The following TNS3 variants were observed in gnomAD, a reference collection of about 807,000 sequenced individuals.
TNS3 encodes tensin-3.
TNS3 carries 45 observed loss-of-function variants against 140.9 expected under a neutral mutation model. That is an observed-to-expected ratio of 0.32 (90% CI 0.25 to 0.41). The LOEUF (loss-of-function observed/expected upper bound fraction) is 0.41. TNS3 is among the 10% of genes least tolerant of loss of function. The pLI is 1.00. For synonymous variants in TNS3, 815 were observed against 788.4 expected (o/e 1.03, Z -0.56); for missense variants, 1,716 against 1,906.7 (o/e 0.90, Z 1.86).
At chr7:47,540,502 C>T (rs1799753812) in intron 1 of TNS3, among the ~76,000 whole-genome samples, 1 of 152,216 alleles carries the variant, frequency 6.6e-6, no homozygotes, top group Admixed American at 6.5e-5. Context: ...CTGGAGGCTG[C>T]TCCTATGAGT....
intron 4 of TNS3, among the ~76,000 whole-genome samples, chr7:47,478,820 A>G (rs1584745225): frequency 6.6e-6 from 1 of 152,108 alleles, no homozygotes; most frequent in Non-Finnish European, 1.5e-5. Flanking sequence ...ACATGCATGT[A>G]TGTGTTCATG....
chr7:47,468,871 C>A (rs113623457), intron 4 of TNS3, among the ~76,000 whole-genome samples: 2 of 152,150 alleles, frequency 1.3e-5, no homozygotes, highest in Admixed American at 1.3e-4. Context: ...CAAAACAGTA[C>A]GGTACTGGCA....
At chr7:47,464,562 G>T (rs948239194) in intron 4 of TNS3, among the ~76,000 whole-genome samples, 1 of 152,120 alleles carries the variant, frequency 6.6e-6, no homozygotes, top group African/African-American at 2.4e-5. Context: ...AGAACCACCA[G>T]GAGGGCATAT....
chr7:47,421,970 A>G (rs2151463861), intron 10 of TNS3, among the ~76,000 whole-genome samples: 1 of 152,216 alleles, frequency 6.6e-6, no homozygotes, highest in African/African-American at 2.4e-5. Flanking sequence ...CCTGCAGCGC[A>G]CCCATCCCAC....
rs1449564835 is a variant in TNS3, at chr7:47,514,760, ACCCTGGATCCT to A, written c.-152-7827_-152-7817del. Among the ~76,000 whole-genome samples the A allele has an allele frequency of 5.3e-5, 8 of 152,116 alleles. No homozygotes were observed. The East Asian group carries it at 1.2e-3, about 22-fold the overall frequency. ...ATGGGGAGCATTTATGCGTGGTCTG[ACCCTGGATCCT>A]CCCTGGATCTACCTTCTTCCAGGGA... is the stretch of plus-strand genomic sequence containing the variant. On this transcript the variant is annotated intron_variant, in intron 2 of 30. Coordinates refer to ENST00000311160, the MANE Select transcript of TNS3 (RefSeq NM_022748.12).
chr7:47,362,472 T>C (rs1303986704), intron 17 of TNS3, among the ~76,000 whole-genome samples: 1 of 152,160 alleles, frequency 6.6e-6, no homozygotes, highest in Non-Finnish European at 1.5e-5. Context: ...CAGACCCCTG[T>C]ATTTGCAAAC....
chr7:47,479,758 A>C (rs1797345541), intron 4 of TNS3, among the ~76,000 whole-genome samples: 2 of 152,250 alleles, frequency 1.3e-5, no homozygotes, highest in Non-Finnish European at 2.9e-5. Flanking sequence ...AAAGGAGCAT[A>C]ATAAGGGCAC....
intron 10 of TNS3, among the ~76,000 whole-genome samples, chr7:47,421,939 T>C (rs1053543426): frequency 1.3e-5 from 2 of 152,152 alleles, no homozygotes; most frequent in African/African-American, 4.8e-5. Context: ...AAATGATTTC[T>C]TGAGCTCAGT....
intron 1 of TNS3, among the ~76,000 whole-genome samples, chr7:47,538,326 G>A (rs1337097626): frequency 6.6e-6 from 1 of 152,146 alleles, no homozygotes. Flanking sequence ...TGTGGTCTAC[G>A]GTGGGCAGCG....
chr7:47,417,879 A>G (rs988278183), intron 10 of TNS3, among the ~76,000 whole-genome samples: 4 of 152,254 alleles, frequency 2.6e-5, no homozygotes, highest in East Asian at 1.9e-4. Flanking sequence ...TATAAGCTGT[A>G]GTGAATGCTA....
At chr7:47,388,285 C>A (rs1792189633) in intron 16 of TNS3, among the ~76,000 whole-genome samples, 1 of 152,176 alleles carries the variant, frequency 6.6e-6, no homozygotes, top group Admixed American at 6.5e-5. Context: ...GTGTGAGAAG[C>A]TTCGTGGCTC....
chr7:47,302,181 C>T lies in TNS3; in HGVS notation c.3544+5G>A. 2 of 1,613,646 alleles carry T rather than the reference C, an allele frequency of 1.2e-6. No homozygotes were observed. Among genetic ancestry groups the T allele is most frequent in the East Asian group, 2.2e-5 (1 of 44,882 alleles). On this transcript the variant is annotated splice_donor_5th_base_variant and intron_variant, in intron 23 of 30. Coordinates refer to ENST00000311160, the MANE Select transcript of TNS3 (RefSeq NM_022748.12). ...CCCAAGGAGGCCCTCATCCTCCCCA[C>T]ATACCTTGTTCTCTTGAAATATCCG...
intron 3 of TNS3, among the ~76,000 whole-genome samples, chr7:47,502,538 T>A (rs1023070802): frequency 6.6e-6 from 1 of 152,152 alleles, no homozygotes; most frequent in Non-Finnish European, 1.5e-5. Flanking sequence ...GACATGGGGA[T>A]CCCTGATGGG....
At chr7:47,451,054 A>T (rs1795991358) in intron 4 of TNS3, among the ~76,000 whole-genome samples, 1 of 152,198 alleles carries the variant, frequency 6.6e-6, no homozygotes, top group Non-Finnish European at 1.5e-5. Flanking sequence ...GGATTGTTTG[A>T]ACCCAGGAGG....
At chr7:47,427,449 C>T (rs1794716587) in intron 9 of TNS3, among the ~76,000 whole-genome samples, 1 of 152,180 alleles carries the variant, frequency 6.6e-6, no homozygotes, top group Non-Finnish European at 1.5e-5. Context: ...TCTATTTCCT[C>T]AGAATGGAAA....
rs1318642740 is a variant in TNS3 at position 47,442,066 on chromosome 7, C to T, written c.-75-11G>A. ...GGAACTCCCTGGAGCCTGCAAATAA[C>T]AAAACAAGGGTCATTTTGAAGTTTC... On this transcript the variant is annotated splice_polypyrimidine_tract_variant and intron_variant, in intron 4 of 30. Transcript: ENST00000311160. The T allele has an allele frequency of 1.0e-5, 13 of 1,268,964 alleles. No individual in the cohort carries two copies. The highest frequency in any genetic ancestry group is 1.3e-5 in the Non-Finnish European group (13 of 981,700). The allele number at this position is 1,268,964 out of a possible 1,614,324, so 78.6% of individuals were successfully genotyped here.
chr7:47,389,080 A>AAGAGGAAGAG (rs1792309452), intron 16 of TNS3, among the ~76,000 whole-genome samples: 1 of 65,848 alleles, frequency 1.5e-5, no homozygotes. Context: ...AAGAAGAAGA[A>AAGAGGAAGAG]GAAGAGGAAG....
chr7:47,536,111 C>T (rs375528826), intron 1 of TNS3, among the ~76,000 whole-genome samples: 19 of 152,350 alleles, frequency 1.2e-4, no homozygotes, highest in Middle Eastern at 6.8e-3. Flanking sequence ...AAGAGGGACA[C>T]CCTCCACATC....
chr7:47,479,576 C>T (rs1797338047), intron 4 of TNS3, among the ~76,000 whole-genome samples: 1 of 151,958 alleles, frequency 6.6e-6, no homozygotes, highest in African/African-American at 2.4e-5. Flanking sequence ...GCAGGGACAG[C>T]CAGGCAGGCG....
Sources: allele counts gnomAD v4.1 joint callset (sites outside exome capture counted in the v4.1 genomes callset), GRCh38; gene constraint gnomAD v4.1.1; transcripts MANE v1.5; gene names NCBI Gene and HGNC (gene_info 2026-07-23, HGNC 2026-07-21).